FRMD4A: variants seen among roughly 807,000 people sequenced by gnomAD.
FRMD4A encodes the protein FERM domain-containing protein 4A.
Under a neutral mutation model 129.1 loss-of-function variants are expected in FRMD4A, and 29 were observed. The ratio of observed to expected loss-of-function variants is 0.22; its 90% CI spans 0.17 to 0.31. The LOEUF (loss-of-function observed/expected upper bound fraction) is 0.31, where lower values mean the gene tolerates loss of function less well. FRMD4A is among the 10% of genes least tolerant of loss of function. FRMD4A has a pLI of 1.00. For synonymous variants in FRMD4A, 634 were observed against 571.6 expected (o/e 1.11, Z -1.56); for missense variants, 1,272 against 1,375.8 (o/e 0.92, Z 1.19).
chr10:14,087,516 G>A (rs538570043), intron 2 of FRMD4A: 17 of 152,062 alleles, frequency 1.1e-4, no homozygotes, highest in South Asian at 4.2e-4. Context: ...TTTCTCAAGC[G>A]CTTCCACACT....
chr10:14,102,135 G>T (rs1837338106), intron 2 of FRMD4A, among the ~76,000 whole-genome samples: 1 of 152,214 alleles, frequency 6.6e-6, no homozygotes, highest in African/African-American at 2.4e-5. Flanking sequence ...GTGGTCCATA[G>T]ATTGGAAGAT....
intron 2 of FRMD4A, among the ~76,000 whole-genome samples, chr10:14,033,344 T>C (rs984839609): frequency 6.6e-6 from 1 of 151,750 alleles, no homozygotes; most frequent in Non-Finnish European, 1.5e-5. Flanking sequence ...TCAGGGCACA[T>C]GTGCTTGTTA....
At chr10:14,005,963 A>G (rs1307043676) in intron 2 of FRMD4A, among the ~76,000 whole-genome samples, 1 of 152,118 alleles carries the variant, frequency 6.6e-6, no homozygotes, top group African/African-American at 2.4e-5. Flanking sequence ...AACCAACTCA[A>G]ATGCCTGGCG....
chr10:14,136,931 T>C (rs941744160), intron 2 of FRMD4A, among the ~76,000 whole-genome samples: 1 of 152,236 alleles, frequency 6.6e-6, no homozygotes, highest in Non-Finnish European at 1.5e-5. Context: ...CGCCAAATTG[T>C]GGTATACCTC....
chr10:13,774,619 T>G (rs1187190035), intron 6 of FRMD4A, among the ~76,000 whole-genome samples: 3 of 152,144 alleles, frequency 2.0e-5, no homozygotes, highest in Non-Finnish European at 2.9e-5. Context: ...ACCAAGACAC[T>G]GATATTCGGG....
At chr10:13,945,300 C>A (rs569197527) in intron 2 of FRMD4A, among the ~76,000 whole-genome samples, 1 of 152,256 alleles carries the variant, frequency 6.6e-6, no homozygotes, top group East Asian at 1.9e-4. Context: ...GGTTAGTCTT[C>A]TTCTAAACCT....
intron 2 of FRMD4A, among the ~76,000 whole-genome samples, chr10:14,267,170 T>G (rs1158837523): frequency 6.6e-6 from 1 of 152,214 alleles, no homozygotes; most frequent in Non-Finnish European, 1.5e-5. Context: ...AAGAAAGGTA[T>G]GAGGTCAAGC....
At chr10:13,929,223 C>T (rs544311852) in intron 2 of FRMD4A, among the ~76,000 whole-genome samples, 112 of 152,280 alleles carry the variant, frequency 7.4e-4, no homozygotes, top group African/African-American at 2.6e-3. Context: ...AGTGACAGTT[C>T]CATGTTTCAT....
chr10:13,707,129 T>C lies in FRMD4A; in HGVS notation c.760-16A>G, dbSNP rs965098861. On this transcript the variant is annotated splice_polypyrimidine_tract_variant and intron_variant, in intron 12 of 24. Transcript: ENST00000357447. ...ATTGGAATATCTGGACAGAAAACAG[T>C]GTAGTTTAAAACTCAGGAGGGGCTG... 6.9e-7 allele frequency: 1 copy of C among 1,458,448 alleles called. No individual in the cohort carries two copies. The highest frequency in any genetic ancestry group is 9.6e-7 in the Non-Finnish European group (1 of 1,038,276). 90.3% of individuals were successfully genotyped at this position (1,458,448 alleles called of 1,614,324 possible).
At chr10:14,009,213 C>G (rs2095672681) in intron 2 of FRMD4A, among the ~76,000 whole-genome samples, 1 of 152,182 alleles carries the variant, frequency 6.6e-6, no homozygotes. Context: ...CCTACCTTCC[C>G]CATCTCTACT....
intron 2 of FRMD4A, among the ~76,000 whole-genome samples, chr10:13,865,976 T>A (rs2094362312): frequency 1.3e-5 from 2 of 152,068 alleles, no homozygotes; most frequent in Non-Finnish European, 2.9e-5. Context: ...TGCCAAAACA[T>A]TTTTTTAGTC....
chr10:13,786,214 T>C (rs2092857649), intron 5 of FRMD4A, among the ~76,000 whole-genome samples: 1 of 152,260 alleles, frequency 6.6e-6, no homozygotes, highest in Admixed American at 6.5e-5. Flanking sequence ...TCCACAATGG[T>C]TGAACTAGTT....
chr10:13,879,379 G>A (rs527522404), intron 2 of FRMD4A, among the ~76,000 whole-genome samples: 39 of 152,270 alleles, frequency 2.6e-4, no homozygotes, highest in African/African-American at 9.4e-4. Context: ...CAGGCATGGA[G>A]ACATGGGCCT....
intron 2 of FRMD4A, among the ~76,000 whole-genome samples, chr10:14,158,341 T>C (rs1225719980): frequency 2.6e-5 from 4 of 152,176 alleles, no homozygotes; most frequent in African/African-American, 9.7e-5. Context: ...TCAAGATTAG[T>C]GGCTCATGCC....
chr10:13,986,005 G>A lies in FRMD4A; in HGVS notation c.46-127093C>T, dbSNP rs975889786. Among the ~76,000 whole-genome samples the A allele has an allele frequency of 3.9e-5, 6 of 152,168 alleles. No homozygotes were observed. In the South Asian group the frequency reaches 1.2e-3, roughly 31 times the overall value. ...GACACTGCAGCCACCCGTGGCTTTG[G>A]TCATCTCTTTTGTCTAGAACTGAGA... On this transcript the variant is annotated intron_variant, in intron 2 of 24. Transcript: ENST00000357447.
chr10:14,256,386 C>T (rs1043678637), intron 2 of FRMD4A, among the ~76,000 whole-genome samples: 11 of 152,056 alleles, frequency 7.2e-5, no homozygotes, highest in African/African-American at 2.7e-4. Context: ...AAATGCTATT[C>T]CACTAGAAAT....
chr10:13,664,358 G>A (rs1412500814), intron 18 of FRMD4A, among the ~76,000 whole-genome samples: 1 of 152,184 alleles, frequency 6.6e-6, no homozygotes, highest in African/African-American at 2.4e-5. Context: ...CTCAAATGGA[G>A]TGTCAGAAAG....
At chr10:13,666,040 C>A (rs1162617911) in intron 18 of FRMD4A, 57 bp downstream of exon 18, 1 of 1,012,558 alleles carries the variant, frequency 9.9e-7, no homozygotes, top group African/African-American at 1.6e-5. Flanking sequence ...GACCTGGCGT[C>A]TGGTTGCCGG....
In FRMD4A at chr10:13,893,372, T is replaced by G. The variant is rs74381856; in HGVS notation, c.46-34460A>C. Among the ~76,000 whole-genome samples the G allele has an allele frequency of 2.6e-5, 4 of 152,252 alleles. No homozygotes were observed. In the East Asian group the frequency reaches 7.7e-4, roughly 29 times the overall value. Reference sequence around the variant, plus strand: ...AGGCGTATTCCAATGCAAAACCCCATTTTTTGATAATGCAATTGGAGCCCA... The same window carrying G: ...AGGCGTATTCCAATGCAAAACCCCAGTTTTTGATAATGCAATTGGAGCCCA... On this transcript the variant is annotated intron_variant, in intron 2 of 24. Coordinates refer to ENST00000357447, the MANE Select transcript of FRMD4A (RefSeq NM_018027.5).
Sources: gnomAD v4.1 joint callset for allele counts (sites outside exome capture counted in the v4.1 genomes callset) on GRCh38, gnomAD v4.1.1 for gene constraint, MANE v1.5 for transcripts, NCBI Gene and HGNC (gene_info 2026-07-23, HGNC 2026-07-21) for gene names.